Variants in USP34 observed in about 807,000 individuals in gnomAD.
USP34 encodes the protein ubiquitin carboxyl-terminal hydrolase 34.
A neutral mutation model predicts 460.3 loss-of-function variants in USP34; 70 were observed. The observed-to-expected ratio is 0.15, with a 90% CI of 0.13 to 0.19. The LOEUF is 0.19. Ranked by LOEUF, USP34 falls within the 10% of genes least tolerant of loss-of-function variation. USP34 has a pLI of 1.00. For synonymous variants in USP34, 1,647 were observed against 1,405.3 expected, an observed-to-expected ratio of 1.17 and a Z score of -3.85; for missense variants, 3,985 against 4,236.2, an observed-to-expected ratio of 0.94 and a Z score of 1.65.
Position 61,220,364 on chromosome 2 carries a change from C to T in USP34, c.7993G>A (p.Glu2665Lys). 4 of 1,613,954 alleles carry T rather than the reference C, an allele frequency of 2.5e-6. No individual in the cohort carries two copies. The highest frequency in any genetic ancestry group is 3.4e-6 in the Non-Finnish European group (4 of 1,179,926). Residue 2665 changes from glutamate to lysine, a missense_variant, in exon 67 of 80, where the codon GAA (glutamate) becomes AAA (lysine). Physicochemically the swap from Glu to Lys is moderately conservative, Grantham distance 56. Coordinates refer to ENST00000398571, the MANE Select transcript of USP34 (RefSeq NM_014709.4). ...LAHSWVLQNMENWVERFLLAH... is the reference protein window; with the variant it reads ...LAHSWVLQNMKNWVERFLLAH... ...AAAAGAAACCGCTCGACCCAGTTTT[C>T]CATATTCTGTAAGACCCAGCTGTGT...
At chr2:61,464,376 T>C (rs1695700891) in intron 1 of USP34, among the ~76,000 whole-genome samples, 2 of 152,104 alleles carry the variant, frequency 1.3e-5, no homozygotes, top group Admixed American at 1.3e-4. Flanking sequence ...ATACAGATAT[T>C]GGAGTAGCTG....
intron 59 of USP34, 73 bp from the exon 60 acceptor site, chr2:61,229,068 T>C (rs1448018365): frequency 8.3e-7 from 1 of 1,203,648 alleles, no homozygotes; most frequent in African/African-American, 1.5e-5. Flanking sequence ...AAAGTACTTT[T>C]TAAACTCTGA....
intron 23 of USP34, among the ~76,000 whole-genome samples, chr2:61,316,006 C>G (rs1390780353): frequency 6.7e-6 from 1 of 149,060 alleles, no homozygotes; most frequent in Non-Finnish European, 1.5e-5. Flanking sequence ...TCGAGACCAG[C>G]CTGGCCAACA....
At chr2:61,254,784 A>C (rs1439102483) in intron 48 of USP34, among the ~76,000 whole-genome samples, 1 of 152,194 alleles carries the variant, frequency 6.6e-6, no homozygotes, top group Non-Finnish European at 1.5e-5. Flanking sequence ...GTGAATCATC[A>C]AAGAATAATA....
At chr2:61,445,260 GC>G (rs1288176759) in intron 1 of USP34, among the ~76,000 whole-genome samples, 2 of 149,854 alleles carry the variant, frequency 1.3e-5, no homozygotes, top group African/African-American at 4.9e-5. Context: ...TGCTGGCCGG[GC>G]CCGGTGGCTC....
chr2:61,369,008 T>C (rs989551196), intron 10 of USP34, among the ~76,000 whole-genome samples: 3 of 151,960 alleles, frequency 2.0e-5, no homozygotes, highest in East Asian at 1.9e-4. Context: ...AATTGATAAA[T>C]AGCAAAAAAT....
At chr2:61,191,346 T>A (rs548031245) in intron 76 of USP34, 1 of 152,254 alleles carries the variant, frequency 6.6e-6, no homozygotes, top group African/African-American at 2.4e-5. Flanking sequence ...TAATAATTTA[T>A]ATGGAAAAAA....
chr2:61,448,461 G>A (rs1422544046), intron 1 of USP34, among the ~76,000 whole-genome samples: 2 of 152,094 alleles, frequency 1.3e-5, no homozygotes, highest in African/African-American at 4.8e-5. Context: ...CTCAAGGACG[G>A]GGAAAAAAAA....
chr2:61,254,849 A>AT (rs752708302), intron 48 of USP34, among the ~76,000 whole-genome samples: 36 of 151,318 alleles, frequency 2.4e-4, no homozygotes, highest in East Asian at 3.9e-4. Flanking sequence ...CAAGTATAGC[A>AT]TTTTTTTTTC....
At chr2:61,242,156 T>C (rs1480602543) in intron 51 of USP34, among the ~76,000 whole-genome samples, 1 of 152,074 alleles carries the variant, frequency 6.6e-6, no homozygotes, top group East Asian at 1.9e-4. Flanking sequence ...ATGCAATAAA[T>C]AAGTGGAAAT....
At chr2:61,234,902 C>T (rs1182141135) in intron 57 of USP34, among the ~76,000 whole-genome samples, 2 of 152,190 alleles carry the variant, frequency 1.3e-5, no homozygotes, top group Admixed American at 6.5e-5. Context: ...TCCCAAAGTG[C>T]TGGGATTACA....
At chr2:61,406,688 AAT>A (rs2103937290) in intron 2 of USP34, among the ~76,000 whole-genome samples, 1 of 143,370 alleles carries the variant, frequency 7.0e-6, no homozygotes, top group East Asian at 2.1e-4. Flanking sequence ...TGTAAAAAAA[AAT>A]ATATGTGTAT....
rs61200102 is a variant in USP34 at position 61,385,671 on chromosome 2, C to CAAAAAA, written c.754-2341_754-2336dup. On this transcript the variant is annotated intron_variant, in intron 5 of 79. Transcript: ENST00000398571. ...TGGGCAACAAAGCAAGACTCTGTCTCAAAAAAAAAAAAAAAAAAAAAAAGA... is the reference window on the plus strand; with the variant it reads ...TGGGCAACAAAGCAAGACTCTGTCTCAAAAAAAAAAAAAAAAAAAAAAAAAAAAAGA... Among the ~76,000 whole-genome samples, 27 of 45,978 alleles carry CAAAAAA rather than the reference C, an allele frequency of 5.9e-4. 1 individual carries two copies. The highest frequency in any genetic ancestry group is 7.4e-4 in the Admixed American group (2 of 2,716). 30.2% of individuals were successfully genotyped at this position (45,978 alleles called of 152,430 possible).
At chr2:61,256,014 C>G (rs1372005245) in intron 48 of USP34, among the ~76,000 whole-genome samples, 1 of 152,184 alleles carries the variant, frequency 6.6e-6, no homozygotes, top group Non-Finnish European at 1.5e-5. Flanking sequence ...ATTGTGGGGT[C>G]TTGCAACATT....
At chr2:61,364,209 C>T (rs561030667) in intron 10 of USP34, among the ~76,000 whole-genome samples, 30 of 152,082 alleles carry the variant, frequency 2.0e-4, no homozygotes, top group Non-Finnish European at 4.0e-4. Flanking sequence ...ACCATCTCTA[C>T]AAAAAATACA....
At chr2:61,209,019 G>A in intron 69 of USP34, 42 bp from the exon 70 acceptor site, 1 of 1,273,260 alleles carries the variant, frequency 7.9e-7, no homozygotes, top group South Asian at 1.6e-5. Context: ...GTCTGAATAA[G>A]AACACAACAC....
At chr2:61,315,409 C>G (rs888897130) in intron 23 of USP34, among the ~76,000 whole-genome samples, 6 of 151,486 alleles carry the variant, frequency 4.0e-5, no homozygotes, top group African/African-American at 1.2e-4. Context: ...GTCTCACTCA[C>G]TTGCCCAGGC....
intron 18 of USP34, among the ~76,000 whole-genome samples, chr2:61,336,612 C>A (rs1370077475): frequency 6.6e-6 from 1 of 151,494 alleles, no homozygotes; most frequent in Non-Finnish European, 1.5e-5. Context: ...GAGTTCGAGA[C>A]CAGCCTGGCC....
intron 57 of USP34, among the ~76,000 whole-genome samples, chr2:61,235,065 G>C (rs1317829647): frequency 1.3e-5 from 2 of 152,174 alleles, no homozygotes; most frequent in Non-Finnish European, 2.9e-5. Context: ...GTTTACTTGA[G>C]ATTTGCTAAG....
Sources: allele counts gnomAD v4.1 joint callset (sites outside exome capture counted in the v4.1 genomes callset), GRCh38; gene constraint gnomAD v4.1.1; transcripts MANE v1.5; gene names NCBI Gene and HGNC (gene_info 2026-07-23, HGNC 2026-07-21).